The following PIK3C3 variants were observed in gnomAD, a reference collection of about 807,000 sequenced individuals.
PIK3C3 encodes the protein PI3-kinase type 3.
In PIK3C3, 95 loss-of-function variants were observed where a neutral mutation model predicts 126.1. That is an observed-to-expected ratio of 0.75 (90% confidence interval 0.64 to 0.89). The LOEUF is 0.89. Ranked by LOEUF, PIK3C3 falls within the 40% of genes least tolerant of loss-of-function variation. The pLI, the probability that PIK3C3 is intolerant of heterozygous loss-of-function variation, is 0.00. For synonymous variants in PIK3C3, 374 were observed against 360.0 expected (o/e 1.04, Z -0.44); for missense variants, 829 against 1,063.2 (o/e 0.78, Z 3.06).
intron 21 of PIK3C3, among the ~76,000 whole-genome samples, chr18:42,052,384 G>A (rs1378590749): frequency 6.6e-6 from 1 of 152,128 alleles, no homozygotes; most frequent in Non-Finnish European, 1.5e-5. Flanking sequence ...ACGTGCATAA[G>A]TAAGATGCAC....
chr18:42,077,640 T>G (rs938879969), intron 24 of PIK3C3, among the ~76,000 whole-genome samples: 1 of 152,196 alleles, frequency 6.6e-6, no homozygotes, highest in African/African-American at 2.4e-5. Context: ...TCTTGTAGTT[T>G]CCACCACATC....
chr18:41,996,774 C>A, intron 9 of PIK3C3, 44 bp downstream of exon 9: 1 of 963,996 alleles, frequency 1.0e-6, no homozygotes, highest in Non-Finnish European at 1.6e-6. Context: ...TATCTACCAA[C>A]TTTGTTATTA....
rs1268681130 is a variant in PIK3C3 at position 41,957,660 on chromosome 18, A to G, written c.159A>G (p.Thr53=). 1 of 1,614,010 alleles carries G rather than the reference A, an allele frequency of 6.2e-7. No homozygotes were observed. The highest frequency in any genetic ancestry group is 8.5e-7 in the Non-Finnish European group (1 of 1,179,910). Residue 53 remains threonine (T), a synonymous_variant, in exon 2 of 25, where the codon ACA becomes ACG. Transcript: ENST00000262039. ...MLKFSGLYQE[T]CSDLYVTCQV... ...AGTTCTCAGGACTATATCAAGAGAC[A>G]TGCTCTGATCTTTATGTTACTTGTC...
At position 42,087,291 on chromosome 18, in the gene PIK3C3, T is replaced by G. The variant is rs1206313081; in HGVS notation, c.*6154T>G. The G allele has an allele frequency of 6.6e-6, 1 of 152,262 alleles. No individual in the cohort carries two copies. The highest frequency in any genetic ancestry group is 2.4e-5 in the African/African-American group (1 of 41,452). The allele number at this position is 152,262 out of a possible 1,614,324, so 9.4% of individuals were successfully genotyped here. A position where few individuals can be genotyped will look rare whatever the true frequency, so the allele number is the denominator to read the frequency against. On this transcript the variant is annotated 3_prime_UTR_variant, in exon 25 of 25. Coordinates refer to ENST00000262039, the MANE Select transcript of PIK3C3 (RefSeq NM_002647.4). ...GTGGAAAAGACTGGTTGGTGGTGAA[T>G]GCGCCAAATTTTATAGTCCGGTTTG...
chr18:42,054,152 A>ATC (rs1568002724), intron 21 of PIK3C3, among the ~76,000 whole-genome samples: 3 of 29,812 alleles, frequency 1.0e-4, no homozygotes, highest in South Asian at 7.6e-4. Context: ...ATATATATAT[A>ATC]TATATATATA....
chr18:42,059,614 G>A (rs190115326), intron 22 of PIK3C3, among the ~76,000 whole-genome samples: 22 of 152,200 alleles, frequency 1.4e-4, no homozygotes, highest in African/African-American at 5.1e-4. Context: ...AAACAGGCAG[G>A]TTATTAATGG....
chr18:42,044,077 A>G (rs141347467), intron 20 of PIK3C3, among the ~76,000 whole-genome samples: 1,823 of 152,280 alleles, frequency 0.012, 15 homozygotes, highest in Middle Eastern at 0.051. Context: ...TCTTCCTGGA[A>G]GCTGTTAATT....
intron 23 of PIK3C3, among the ~76,000 whole-genome samples, chr18:42,065,720 T>A (rs1003253144): frequency 3.9e-5 from 6 of 152,184 alleles, no homozygotes; most frequent in Non-Finnish European, 7.4e-5. Context: ...GATTTTTTTT[T>A]AGTTCATATT....
At position 41,968,084 on chromosome 18, in the gene PIK3C3, A is replaced by G. The variant is rs62083949; in HGVS notation, c.402-2243A>G. Among the ~76,000 whole-genome samples the G allele has an allele frequency of 9.5e-4, 144 of 152,310 alleles. No individual in the cohort carries two copies. The Middle Eastern group carries it at 0.014, about 14-fold the overall frequency. On this transcript the variant is annotated intron_variant, in intron 3 of 24. Coordinates refer to ENST00000262039, the MANE Select transcript of PIK3C3 (RefSeq NM_002647.4). ...TCATTTGAGTCACTTGGCATCACCCATACCCTCCACGTCCCCTATCCTTAA... is the reference window on the plus strand; with the variant it reads ...TCATTTGAGTCACTTGGCATCACCCGTACCCTCCACGTCCCCTATCCTTAA...
Position 42,083,477 on chromosome 18 carries a change from A to G in PIK3C3, c.*2340A>G, listed in dbSNP as rs1188892519. On this transcript the variant is annotated 3_prime_UTR_variant, in exon 25 of 25. Coordinates refer to ENST00000262039, the MANE Select transcript of PIK3C3 (RefSeq NM_002647.4). ...GAGAGTGGGGCTATAGGACAAAAAG[A>G]AGAAAAGTATGGTTAACATTGCCAA... is the stretch of plus-strand genomic sequence containing the variant. 1 of 152,164 alleles carries G rather than the reference A, an allele frequency of 6.6e-6. No individual in the cohort carries two copies. The highest frequency in any genetic ancestry group is 1.5e-5 in the Non-Finnish European group (1 of 68,038). 9.4% of individuals were successfully genotyped at this position (152,164 alleles called of 1,614,324 possible).
intron 10 of PIK3C3, among the ~76,000 whole-genome samples, chr18:42,006,436 G>A (rs995674891): frequency 2.4e-4 from 37 of 152,174 alleles, no homozygotes; most frequent in Non-Finnish European, 4.6e-4. Flanking sequence ...GGCCGATTAA[G>A]TCAATCTTCA....
At chr18:41,977,055 A>G (rs966055972) in intron 4 of PIK3C3, among the ~76,000 whole-genome samples, 4 of 152,196 alleles carry the variant, frequency 2.6e-5, no homozygotes, top group African/African-American at 9.6e-5. Context: ...ATAGGAGAAA[A>G]GGTAGATAGA....
intron 16 of PIK3C3, among the ~76,000 whole-genome samples, chr18:42,035,450 G>A (rs1358471131): frequency 6.6e-6 from 1 of 152,036 alleles, no homozygotes; most frequent in African/African-American, 2.4e-5. Flanking sequence ...GTGGATTCTA[G>A]ACTCATACTC....
intron 10 of PIK3C3, among the ~76,000 whole-genome samples, chr18:42,010,457 C>T (rs1209584751): frequency 6.6e-6 from 1 of 152,124 alleles, no homozygotes; most frequent in East Asian, 1.9e-4. Context: ...CCTCTGCCTC[C>T]TGGGTTCAAG....
chr18:42,021,609 C>G (rs12962602), intron 13 of PIK3C3, among the ~76,000 whole-genome samples: 25,943 of 152,054 alleles, frequency 0.17, 2,466 homozygotes, highest in East Asian at 0.29. Flanking sequence ...TGGCATGAGG[C>G]TTTTTACTGT....
At chr18:42,002,394 G>A (rs529730733) in intron 9 of PIK3C3, among the ~76,000 whole-genome samples, 1 of 152,124 alleles carries the variant, frequency 6.6e-6, no homozygotes, top group Non-Finnish European at 1.5e-5. Flanking sequence ...AAATTAGAAT[G>A]TCCTATCATC....
chr18:42,000,790 G>C (rs1351955705), intron 9 of PIK3C3, among the ~76,000 whole-genome samples: 1 of 152,150 alleles, frequency 6.6e-6, no homozygotes, highest in Non-Finnish European at 1.5e-5. Context: ...ATAGCCATCA[G>C]ATCTCATGAG....
At chr18:42,016,763 C>G (rs964398709) in intron 12 of PIK3C3, among the ~76,000 whole-genome samples, 1 of 151,986 alleles carries the variant, frequency 6.6e-6, no homozygotes, top group African/African-American at 2.4e-5. Flanking sequence ...CAAAAGAGAA[C>G]CTGGCAGAAG....
At chr18:42,013,200 T>C (rs1247912323) in intron 10 of PIK3C3, among the ~76,000 whole-genome samples, 1 of 151,876 alleles carries the variant, frequency 6.6e-6, no homozygotes, top group African/African-American at 2.4e-5. Flanking sequence ...ACTGTGACTT[T>C]CTTTTATTTA....
Sources: allele counts gnomAD v4.1 joint callset (sites outside exome capture counted in the v4.1 genomes callset), GRCh38; gene constraint gnomAD v4.1.1; transcripts MANE v1.5; gene names NCBI Gene and HGNC (gene_info 2026-07-23, HGNC 2026-07-21).